MELTF: variants seen among roughly 807,000 people sequenced by gnomAD.
MELTF encodes the protein melanotransferrin, also known as antigen p97 (melanoma associated) identified by monoclonal antibodies 133.2 and 96.5.
A neutral mutation model predicts 83.7 loss-of-function variants in MELTF; 67 were observed. The ratio of observed to expected loss-of-function variants is 0.80; its 90% CI spans 0.66 to 0.98. MELTF has a LOEUF of 0.98. Ranked by LOEUF, MELTF falls within the 50% of genes least tolerant of loss-of-function variation. The pLI is 0.00. For synonymous variants in MELTF, 462 were observed against 447.6 expected (o/e 1.03, Z -0.41); for missense variants, 1,002 against 1,035.6 (o/e 0.97, Z 0.44).
At position 197,007,473 on chromosome 3, in the gene MELTF, T is replaced by C. The variant is rs1002945719; in HGVS notation, c.1751-737A>G. Among the ~76,000 whole-genome samples, 2 of 152,216 alleles carry C rather than the reference T, an allele frequency of 1.3e-5. No homozygotes were observed. Among genetic ancestry groups the C allele is most frequent in the Non-Finnish European group, 2.9e-5 (2 of 68,028 alleles). ...AAGATAAAAGGGAAAGGAGTGGCCCTGGGAGGCGGGTGACTCACTGCAAGT... is the reference window on the plus strand; with the variant it reads ...AAGATAAAAGGGAAAGGAGTGGCCCCGGGAGGCGGGTGACTCACTGCAAGT... On this transcript the variant is annotated intron_variant, in intron 13 of 15. Coordinates refer to ENST00000296350, the MANE Select transcript of MELTF (RefSeq NM_005929.6). This position sits in a 1 kb window ranked among gnomAD's most constrained non-coding sequence, Gnocchi z 4.3.
rs1387598096 is a variant in MELTF, at chr3:197,003,735, G to C, written c.2137+166C>G. On this transcript the variant is annotated intron_variant, in intron 15 of 15. Transcript: ENST00000296350. The surrounding 1 kb of genome is among the most constrained non-coding windows in gnomAD (Gnocchi z 6.2). ...GACCCGCCGGGCTCCCGCCCTCCCGGCCCGCAGCCTCCTGGCCAAAATCCT... is the reference window on the plus strand; with the variant it reads ...GACCCGCCGGGCTCCCGCCCTCCCGCCCCGCAGCCTCCTGGCCAAAATCCT... The C allele has an allele frequency of 1.3e-6, 1 of 775,750 alleles. No homozygotes were observed. Among genetic ancestry groups the C allele is most frequent in the African/African-American group, 1.8e-5 (1 of 56,986 alleles). The allele number at this position is 775,750 out of a possible 1,614,324, so 48.1% of individuals were successfully genotyped here.
intron 9 of MELTF, among the ~76,000 whole-genome samples, chr3:197,014,944 GA>G (rs905682953): frequency 4.2e-4 from 63 of 151,326 alleles, no homozygotes; most frequent in Non-Finnish European, 2.4e-4. Context: ...CAGGAAAAAA[GA>G]AAAAAAAAGT....
At chr3:197,019,860 C>A (rs1719550893) in intron 6 of MELTF, 6 of 1,502,932 alleles carry the variant, frequency 4.0e-6, no homozygotes, top group Middle Eastern at 1.8e-4. Flanking sequence ...AAAAAAAAAA[C>A]CCAATCATCA....
chr3:197,021,815 GC>G (rs1272787652), intron 5 of MELTF, among the ~76,000 whole-genome samples: 3 of 152,226 alleles, frequency 2.0e-5, no homozygotes, highest in Non-Finnish European at 4.4e-5. Flanking sequence ...AATATCAGCA[GC>G]CTTGACTCTC....
Position 197,017,148 on chromosome 3 carries a change from G to A in MELTF, c.855C>T (p.Ala285=), listed in dbSNP as rs1296525280. 4.3e-6 allele frequency: 7 copies of A among 1,612,042 alleles called. No homozygotes were observed. The highest frequency in any genetic ancestry group is 2.2e-5 in the East Asian group (1 of 44,804). ...RVPAHAVVVR[A]DTDGGLIFRL... is the part of the protein sequence containing the mutation. ...GGAAGATGAGGCCCCCATCTGTGTC[G>A]GCCCGGACCACCACGGCGTGAGCAG... Residue 285 remains alanine, a synonymous_variant, in exon 7 of 16, where the codon GCC becomes GCT. Coordinates refer to ENST00000296350, the MANE Select transcript of MELTF (RefSeq NM_005929.6).
In MELTF at chr3:197,006,845, C is replaced by G; in HGVS notation, c.1751-109G>C. ...GGCCTTCACCACAGGGAGGTGGCAA[C>G]ATCTGGCCAGCTCCCCAACCCTCTC... On this transcript the variant is annotated intron_variant, in intron 13 of 15. Transcript: ENST00000296350. This position sits in a 1 kb window ranked among gnomAD's most constrained non-coding sequence, Gnocchi z 5.4. The G allele has an allele frequency of 2.9e-6, 3 of 1,041,766 alleles. No homozygotes were observed. Among genetic ancestry groups the G allele is most frequent in the African/African-American group, 1.7e-5 (1 of 59,638 alleles). The allele number at this position is 1,041,766 out of a possible 1,614,324, so 64.5% of individuals were successfully genotyped here.
At chr3:197,004,236 G>A (rs1718895623) in intron 14 of MELTF, 137 bp from the exon 15 acceptor site, 3 of 826,946 alleles carry the variant, frequency 3.6e-6, no homozygotes, top group Non-Finnish European at 4.0e-6. Context: ...CACTCTGATT[G>A]GAAGTCATAA....
chr3:197,024,258 G>A lies in MELTF; in HGVS notation c.487+45C>T, dbSNP rs1394176357. The A allele has an allele frequency of 4.0e-6, 6 of 1,512,784 alleles. No individual in the cohort carries two copies. The Admixed American group carries it at 8.6e-5, about 22-fold the overall frequency. 93.7% of individuals were successfully genotyped at this position (1,512,784 alleles called of 1,614,324 possible). A position where few individuals can be genotyped will look rare whatever the true frequency, so the allele number is the denominator to read the frequency against. On this transcript the variant is annotated intron_variant, in intron 4 of 15. Transcript: ENST00000296350. The surrounding 1 kb of genome is among the most constrained non-coding windows in gnomAD (Gnocchi z 5.3). ...AGGGACGAGCATGGGCCAAGGAAAG[G>A]AGGGGGAGGCCTGGGGACCCTCCTG...
chr3:197,017,843 C>G (rs921877278), intron 6 of MELTF, among the ~76,000 whole-genome samples: 136 of 152,280 alleles, frequency 8.9e-4, no homozygotes, highest in African/African-American at 3.1e-3. Context: ...CGCCACTGCA[C>G]TCCAGCCTGG....
At position 197,019,187 on chromosome 3, in the gene MELTF, C is replaced by G. The variant is rs1475967583; in HGVS notation, c.713-1897G>C. The G allele has an allele frequency of 1.5e-5, 15 of 1,002,202 alleles. No individual in the cohort carries two copies. In the Admixed American group the frequency reaches 7.9e-4, roughly 53 times the overall value. The allele number at this position is 1,002,202 out of a possible 1,614,324, so 62.1% of individuals were successfully genotyped here. ...TTAATGATTCAGTGTAGTCCTACCC[C>G]CGCTTCCCAACTTTCCTGTTTTTCG... On this transcript the variant is annotated intron_variant, in intron 6 of 15. Coordinates refer to ENST00000296350, the MANE Select transcript of MELTF (RefSeq NM_005929.6).
In MELTF at chr3:197,003,835, C is replaced by A; in HGVS notation, c.2137+66G>T. ...CCGGACCCGCAGCGCCCCCCGCTCC[C>A]TCAGGGTTCTGGGGTGAAGGGGTCT... is the stretch of plus-strand genomic sequence containing the variant. On this transcript the variant is annotated intron_variant, in intron 15 of 15. Coordinates refer to ENST00000296350, the MANE Select transcript of MELTF (RefSeq NM_005929.6). This position sits in a 1 kb window ranked among gnomAD's most constrained non-coding sequence, Gnocchi z 6.2. 6.5e-7 allele frequency: 1 copy of A among 1,541,516 alleles called. No homozygotes were observed.
intron 6 of MELTF, among the ~76,000 whole-genome samples, chr3:197,020,296 G>A (rs1489506779): frequency 6.6e-6 from 1 of 152,204 alleles, no homozygotes; most frequent in African/African-American, 2.4e-5. Flanking sequence ...TGGGCATGAA[G>A]GACAGAATTG....
At chr3:197,026,991 G>T (rs571274182) in intron 2 of MELTF, 33 of 538,748 alleles carry the variant, frequency 6.1e-5, no homozygotes, top group Non-Finnish European at 1.0e-4. Context: ...CATTGATTTT[G>T]CAGGACTCAG....
rs2108949090 is a variant in MELTF at position 197,003,447 on chromosome 3, G to T, written c.2142C>A (p.Ala714=). The change falls in exon 16 of 16, where the codon GCC becomes GCA. Residue 714 remains alanine, a synonymous_variant. Transcript: ENST00000296350. This position sits in a 1 kb window ranked among gnomAD's most constrained non-coding sequence, Gnocchi z 6.2. The part of the protein sequence containing the change: ...MSSQQCSGAA[A]PAPGAPLLPL... ...GGAGCAGGGGCGCCCCGGGCGCCGG[G>T]GCCGCTGGGGACGAACGCGGCGGGT... 2 of 1,112,536 alleles carry T rather than the reference G, an allele frequency of 1.8e-6. No homozygotes were observed. Among genetic ancestry groups the T allele is most frequent in the East Asian group, 1.0e-4 (2 of 19,756 alleles). 68.9% of individuals were successfully genotyped at this position (1,112,536 alleles called of 1,614,324 possible). A position where few individuals can be genotyped will look rare whatever the true frequency, so the allele number is the denominator to read the frequency against.
At position 197,024,584 on chromosome 3, in the gene MELTF, C is replaced by A; in HGVS notation, c.305-99G>T. On this transcript the variant is annotated intron_variant, in intron 3 of 15. Coordinates refer to ENST00000296350, the MANE Select transcript of MELTF (RefSeq NM_005929.6). The surrounding 1 kb of genome is among the most constrained non-coding windows in gnomAD (Gnocchi z 5.3). ...GCGGGCTGTGGGAGAGGTGTGTGCA[C>A]GGAGCACGGCTGTACACACGGATGT... The A allele has an allele frequency of 9.4e-7, 1 of 1,067,720 alleles. No homozygotes were observed. 66.1% of individuals were successfully genotyped at this position (1,067,720 alleles called of 1,614,324 possible). A position where few individuals can be genotyped will look rare whatever the true frequency, so the allele number is the denominator to read the frequency against.
In MELTF at chr3:197,017,166, G is replaced by A. The variant is rs200392519; in HGVS notation, c.837C>T (p.His279=). 1.4e-4 allele frequency: 222 copies of A among 1,611,022 alleles called. 2 individuals carry two copies. In the East Asian group the frequency reaches 3.1e-3, roughly 22 times the overall value. ...CTGTGTCGGCCCGGACCACCACGGC[G>A]TGAGCAGGCACCCGGGCCAGATGGC... ...RQCHLARVPA[H]AVVVRADTDG... Residue 279 remains histidine, a synonymous_variant, in exon 7 of 16, where the codon CAC becomes CAT. Coordinates refer to ENST00000296350, the MANE Select transcript of MELTF (RefSeq NM_005929.6).
intron 6 of MELTF, among the ~76,000 whole-genome samples, chr3:197,020,763 GGTTCAA>G (rs1276674013): frequency 2.0e-4 from 30 of 151,870 alleles, no homozygotes; most frequent in Non-Finnish European, 5.9e-5. Flanking sequence ...CTGCCTCCTG[GGTTCAA>G]GCAATTCCCC....
At chr3:197,012,640 C>T (rs1349548446) in intron 9 of MELTF, among the ~76,000 whole-genome samples, 2 of 152,258 alleles carry the variant, frequency 1.3e-5, no homozygotes, top group Non-Finnish European at 2.9e-5. Flanking sequence ...GGCTGACAGC[C>T]GGGGCTCTGG....
At chr3:197,025,386 T>C (rs1719811830) in intron 3 of MELTF, among the ~76,000 whole-genome samples, 1 of 152,360 alleles carries the variant, frequency 6.6e-6, no homozygotes, top group South Asian at 2.1e-4. Flanking sequence ...TTACCAATCC[T>C]CTGGACCGCC....
Sources: gnomAD v4.1 joint callset for allele counts (sites outside exome capture counted in the v4.1 genomes callset) on GRCh38, gnomAD v4.1.1 for gene constraint, Gnocchi (gnomAD v3.1) non-coding constraint, MANE v1.5 for transcripts, NCBI Gene and HGNC (gene_info 2026-07-23, HGNC 2026-07-21) for gene names.